TEX36: variants seen among roughly 807,000 people sequenced by gnomAD.
The protein encoded by TEX36 is testis-expressed protein 36.
TEX36 carries 12 observed loss-of-function variants against 13.6 expected under a neutral mutation model. The ratio of observed to expected loss-of-function variants is 0.88; its 90% CI spans 0.56 to 1.43. The LOEUF (loss-of-function observed/expected upper bound fraction) is 1.43, where lower values mean the gene tolerates loss of function less well. TEX36 is among the 40% of genes most tolerant of loss of function. TEX36 has a pLI of 0.00. For missense variants in TEX36, 224 were observed against 228.3 expected (o/e 0.98, Z 0.12); for synonymous variants, 93 against 83.0 (o/e 1.12, Z -0.65).
intron 3 of TEX36, among the ~76,000 whole-genome samples, chr10:125,599,305 T>C (rs1446173135): frequency 6.6e-6 from 1 of 152,218 alleles, no homozygotes; most frequent in Non-Finnish European, 1.5e-5. Flanking sequence ...ACGCATGTCC[T>C]GGGCTCTTGG....
At chr10:125,678,729 A>T (rs1190338929) in intron 1 of TEX36, among the ~76,000 whole-genome samples, 1 of 151,930 alleles carries the variant, frequency 6.6e-6, no homozygotes, top group Non-Finnish European at 1.5e-5. Flanking sequence ...GCCAGCTGAG[A>T]TGGTAGTGGC....
At chr10:125,582,069 G>A (rs559340096) in intron 3 of TEX36, among the ~76,000 whole-genome samples, 1 of 152,248 alleles carries the variant, frequency 6.6e-6, no homozygotes, top group Non-Finnish European at 1.5e-5. Context: ...TACTCAGCCA[G>A]CTGGAGGAAG....
chr10:125,671,048 T>C (rs1403368107), intron 1 of TEX36, among the ~76,000 whole-genome samples: 1 of 152,128 alleles, frequency 6.6e-6, no homozygotes, highest in African/African-American at 2.4e-5. Context: ...GATTATGGGG[T>C]TTTCTAGATA....
intron 1 of TEX36, among the ~76,000 whole-genome samples, chr10:125,681,812 T>C (rs897011211): frequency 2.6e-5 from 4 of 152,178 alleles, no homozygotes; most frequent in Non-Finnish European, 4.4e-5. Context: ...TGAGCACTTG[T>C]TAATGAGTCG....
At chr10:125,621,636 C>A (rs768367583) in exon 4 of TEX36, 22 of 455,792 alleles carry the variant, frequency 4.8e-5, no homozygotes, top group Non-Finnish European at 9.3e-5. Flanking sequence ...CACGATAGGC[C>A]ATCTGCAAAC....
intron 3 of TEX36, among the ~76,000 whole-genome samples, chr10:125,647,789 C>T (rs1310118104): frequency 1.3e-5 from 2 of 152,064 alleles, no homozygotes; most frequent in East Asian, 1.9e-4. Flanking sequence ...CCTGGAAAAT[C>T]GGGACACTCC....
At chr10:125,660,427 T>C (rs1306122922) in intron 3 of TEX36, among the ~76,000 whole-genome samples, 1 of 152,202 alleles carries the variant, frequency 6.6e-6, no homozygotes, top group African/African-American at 2.4e-5. Flanking sequence ...TCCCAGCCAA[T>C]AGAATATATT....
chr10:125,592,929 G>A (rs930771846), intron 3 of TEX36, among the ~76,000 whole-genome samples: 1 of 152,156 alleles, frequency 6.6e-6, no homozygotes, highest in Non-Finnish European at 1.5e-5. Flanking sequence ...GAGCTTCCAT[G>A]TCCTCTCAGG....
chr10:125,671,811 T>C (rs183237094), intron 1 of TEX36, among the ~76,000 whole-genome samples: 28 of 151,832 alleles, frequency 1.8e-4, no homozygotes, highest in African/African-American at 6.8e-4. Context: ...ATTTCAGAAC[T>C]GTTATTGGTC....
At chr10:125,659,092 A>G (rs1846989536) in intron 3 of TEX36, among the ~76,000 whole-genome samples, 2 of 152,178 alleles carry the variant, frequency 1.3e-5, no homozygotes. Flanking sequence ...TAGATTAATA[A>G]TCAAGAAAGA....
chr10:125,576,852 G>A, exon 4 of TEX36: 1 of 1,536,078 alleles, frequency 6.5e-7, no homozygotes, highest in Non-Finnish European at 8.7e-7. Flanking sequence ...TTCTCCCTGT[G>A]GGTCCGTTGC....
chr10:125,589,679 C>T (rs1055476398), intron 3 of TEX36, among the ~76,000 whole-genome samples: 6 of 152,006 alleles, frequency 3.9e-5, no homozygotes, highest in African/African-American at 1.4e-4. Flanking sequence ...ATTTCCTAAC[C>T]CTAAACTATC....
chr10:125,636,885 T>C (rs190369921), intron 3 of TEX36, among the ~76,000 whole-genome samples: 126 of 152,296 alleles, frequency 8.3e-4, no homozygotes, highest in African/African-American at 2.8e-3. Flanking sequence ...TTATTCATTA[T>C]ACTTAAATGA....
chr10:125,596,344 G>A (rs1846081901), intron 3 of TEX36, among the ~76,000 whole-genome samples: 1 of 152,146 alleles, frequency 6.6e-6, no homozygotes, highest in Non-Finnish European at 1.5e-5. Context: ...TAGAAATAGA[G>A]GTGAGGAAGT....
At chr10:125,667,621 G>C (rs1386291687) in intron 1 of TEX36, 6 of 723,986 alleles carry the variant, frequency 8.3e-6, no homozygotes, top group Non-Finnish European at 1.3e-5. Flanking sequence ...CCACGCCCTT[G>C]TCTACCTTGC....
At chr10:125,630,573 C>T (rs1156305956) in intron 3 of TEX36, among the ~76,000 whole-genome samples, 1 of 152,148 alleles carries the variant, frequency 6.6e-6, no homozygotes, top group African/African-American at 2.4e-5. Context: ...TTCTACTGGA[C>T]ACAAAGGGCC....
Position 125,599,320 on chromosome 10 carries a change from C to T in TEX36, c.265-22446G>A, listed in dbSNP as rs376655260. The stretch of plus-strand genomic sequence containing the variant: ...ACGCATGTCCTGGGCTCTTGGAACC[C>T]GCTGAGGACCAGCTGACACCAGTGC... On this transcript the variant is annotated intron_variant, in intron 3 of 3. Coordinates refer to the TEX36 transcript ENST00000532135. Among the ~76,000 whole-genome samples, 63 of 152,306 alleles carry T rather than the reference C, an allele frequency of 4.1e-4. 1 individual carries two copies. The highest frequency in any genetic ancestry group is 3.3e-3 in the East Asian group (17 of 5,182).
intron 3 of TEX36, among the ~76,000 whole-genome samples, chr10:125,658,014 A>G (rs1298843401): frequency 2.6e-5 from 4 of 152,202 alleles, no homozygotes; most frequent in African/African-American, 9.6e-5. Flanking sequence ...GAAGAAAAAA[A>G]GAAAAATATA....
chr10:125,601,761 G>A (rs534414984), intron 3 of TEX36, among the ~76,000 whole-genome samples: 5 of 152,300 alleles, frequency 3.3e-5, no homozygotes, highest in African/African-American at 9.6e-5. Flanking sequence ...ACCCTGGGAC[G>A]ATTTGGGGGA....
Sources: allele counts gnomAD v4.1 joint callset (sites outside exome capture counted in the v4.1 genomes callset), GRCh38; gene constraint gnomAD v4.1.1; transcripts MANE v1.5; gene names NCBI Gene and HGNC (gene_info 2026-07-23, HGNC 2026-07-21).